The following KIAA1549L variants were observed in gnomAD, a reference collection of about 807,000 sequenced individuals.
The protein encoded by KIAA1549L is UPF0606 protein KIAA1549L.
KIAA1549L carries 88 observed loss-of-function variants against 160.7 expected under a neutral mutation model. The ratio of observed to expected loss-of-function variants is 0.55; its 90% CI spans 0.46 to 0.65. The LOEUF (loss-of-function observed/expected upper bound fraction) is 0.65, where lower values mean the gene tolerates loss of function less well. Among genes scored for constraint, KIAA1549L ranks in the 30% least tolerant of loss-of-function variants. The pLI, the probability that KIAA1549L is intolerant of heterozygous loss-of-function variation, is 0.00. For synonymous variants in KIAA1549L, 950 were observed against 976.7 expected (o/e 0.97, Z 0.51); for missense variants, 2,258 against 2,437.5 (o/e 0.93, Z 1.55).
In KIAA1549L at chr11:33,583,354, G is replaced by T. The variant is rs377062292; in HGVS notation, c.4419G>T (p.Pro1473=). 4.4e-6 allele frequency: 7 copies of T among 1,605,318 alleles called. No individual in the cohort carries two copies. The Admixed American group carries it at 8.5e-5, about 19-fold the overall frequency. The change falls in exon 11 of 21, where the codon CCG becomes CCT. Residue 1473 remains proline, a synonymous_variant. Coordinates refer to ENST00000658780, the MANE Select transcript of KIAA1549L (RefSeq NM_012194.3). ...LLQADPVVKN[P]PNNLWIIAAV... is the part of the protein sequence containing the mutation. ...TTCCCACAGCCGTGGTGAAGAACCCGCCCAATAACCTGTGGATCATCGCTG... is the reference window on the plus strand; with the variant it reads ...TTCCCACAGCCGTGGTGAAGAACCCTCCCAATAACCTGTGGATCATCGCTG...
At chr11:33,566,877 T>C (rs1195348393) in intron 8 of KIAA1549L, among the ~76,000 whole-genome samples, 2 of 152,236 alleles carry the variant, frequency 1.3e-5, no homozygotes, top group East Asian at 1.9e-4. Flanking sequence ...GAAAATCTTA[T>C]CTTCCCAGCC....
chr11:33,634,334 C>T (rs919698142), intron 16 of KIAA1549L, among the ~76,000 whole-genome samples: 22 of 152,182 alleles, frequency 1.4e-4, no homozygotes, highest in African/African-American at 4.1e-4. Flanking sequence ...TGAACCACCA[C>T]GCCCGGCCTG....
At position 33,544,839 on chromosome 11, in the gene KIAA1549L, C is replaced by T. The variant is rs367943497; in HGVS notation, c.2846C>T (p.Pro949Leu). The stretch of plus-strand genomic sequence containing the variant: ...ACATTGTTTCTGAGGAAATCAAGTC[C>T]ACCTGCACTGTCTGCAGCCCTGGTT... ...AVTLFLRKSS[P>L]PALSAALVAK... is the part of the protein sequence containing the mutation. The change falls in exon 3 of 21, where the codon CCA becomes CTA. Residue 949 changes from proline (P) to leucine (L), a missense_variant. Transcript: ENST00000658780. 10 of 1,613,416 alleles carry T rather than the reference C, an allele frequency of 6.2e-6. No homozygotes were observed. Among genetic ancestry groups the T allele is most frequent in the Non-Finnish European group, 8.5e-6 (10 of 1,179,634 alleles).
At chr11:33,619,415 AT>A (rs1396215501) in intron 16 of KIAA1549L, among the ~76,000 whole-genome samples, 1 of 152,130 alleles carries the variant, frequency 6.6e-6, no homozygotes, top group Non-Finnish European at 1.5e-5. Flanking sequence ...TACAAATAAA[AT>A]TTTTTCTTTA....
In KIAA1549L at chr11:33,479,107, C is replaced by A. The variant is rs72911172; in HGVS notation, c.239-62695C>A. Among the ~76,000 whole-genome samples, 1,214 of 152,100 alleles carry A rather than the reference C, an allele frequency of 8.0e-3. 6 individuals are homozygous for A. Among genetic ancestry groups the A allele is most frequent in the Non-Finnish European group, 0.014 (971 of 67,996 alleles). On this transcript the variant is annotated intron_variant, in intron 1 of 20. Coordinates refer to ENST00000658780, the MANE Select transcript of KIAA1549L (RefSeq NM_012194.3). ...CTTCAGATATTTTTTCACCAGTGCTCATTATGTTTTTATCCTCTTTGCCTT... is the reference window on the plus strand; with the variant it reads ...CTTCAGATATTTTTTCACCAGTGCTAATTATGTTTTTATCCTCTTTGCCTT...
At chr11:33,446,267 G>A (rs540769098) in intron 1 of KIAA1549L, among the ~76,000 whole-genome samples, 1 of 152,086 alleles carries the variant, frequency 6.6e-6, no homozygotes, top group East Asian at 1.9e-4. Flanking sequence ...GCTAATTTTT[G>A]TATTTTTAGT....
At chr11:33,465,705 C>G (rs10836065) in intron 1 of KIAA1549L, among the ~76,000 whole-genome samples, 1 of 152,088 alleles carries the variant, frequency 6.6e-6, no homozygotes, top group East Asian at 1.9e-4. Flanking sequence ...CTACAACCAT[C>G]GGATCTTCGA....
At chr11:33,550,159 A>C (rs576068662) in intron 4 of KIAA1549L, among the ~76,000 whole-genome samples, 1 of 152,180 alleles carries the variant, frequency 6.6e-6, no homozygotes, top group Non-Finnish European at 1.5e-5. Flanking sequence ...ATAGCACTGA[A>C]CAGCACACTA....
rs148717988 is a variant in KIAA1549L, at chr11:33,515,802, C to G, written c.239-26000C>G. Among the ~76,000 whole-genome samples, 397 of 152,228 alleles carry G rather than the reference C, an allele frequency of 2.6e-3. 2 individuals carry two copies. The Middle Eastern group carries it at 0.058, about 22-fold the overall frequency. On this transcript the variant is annotated intron_variant, in intron 1 of 20. Transcript: ENST00000658780. ...CCTCCTCTATCTCTGAGTCAGTGCT[C>G]CAGAAAAGTAACGTGATGCATCTGT...
intron 13 of KIAA1549L, among the ~76,000 whole-genome samples, chr11:33,601,537 T>C (rs1291837797): frequency 6.6e-6 from 1 of 152,220 alleles, no homozygotes; most frequent in Non-Finnish European, 1.5e-5. Context: ...TTTCATCACC[T>C]TGCCAGCTTG....
chr11:33,649,342 GGAAAAA>G (rs1015038310), intron 17 of KIAA1549L, among the ~76,000 whole-genome samples: 1 of 122,576 alleles, frequency 8.2e-6, no homozygotes, highest in African/African-American at 4.0e-5. Flanking sequence ...TCTCTACGGG[GGAAAAA>G]AAAAAAAAAA....
chr11:33,425,396 G>C (rs1851095929), intron 1 of KIAA1549L, among the ~76,000 whole-genome samples: 2 of 152,194 alleles, frequency 1.3e-5, no homozygotes, highest in African/African-American at 4.8e-5. Context: ...GTGTCACTGT[G>C]ATGTATCAAG....
intron 17 of KIAA1549L, among the ~76,000 whole-genome samples, chr11:33,652,900 C>T (rs531757039): frequency 8.3e-4 from 127 of 152,288 alleles, no homozygotes; most frequent in Non-Finnish European, 1.5e-3. Flanking sequence ...GCCCTGCTTT[C>T]GTCTGTCTAT....
At chr11:33,664,103 A>G (rs1259366281) in intron 20 of KIAA1549L, among the ~76,000 whole-genome samples, 2 of 152,192 alleles carry the variant, frequency 1.3e-5, no homozygotes, top group Non-Finnish European at 2.9e-5. Context: ...CAGTGCTTGT[A>G]TATAAAGACC....
intron 15 of KIAA1549L, among the ~76,000 whole-genome samples, chr11:33,610,703 C>T (rs982811125): frequency 1.3e-5 from 2 of 152,110 alleles, no homozygotes; most frequent in African/African-American, 4.8e-5. Context: ...GAGTCCTGTC[C>T]CAGCAAGGAA....
intron 1 of KIAA1549L, among the ~76,000 whole-genome samples, chr11:33,425,496 G>A (rs1285516197): frequency 2.0e-5 from 3 of 152,176 alleles, no homozygotes; most frequent in Non-Finnish European, 2.9e-5. Context: ...GCTCATAAGA[G>A]TGATTTGTTG....
At chr11:33,422,219 C>T (rs1851027488) in intron 1 of KIAA1549L, among the ~76,000 whole-genome samples, 1 of 152,082 alleles carries the variant, frequency 6.6e-6, no homozygotes, top group African/African-American at 2.4e-5. Flanking sequence ...AATTGGAATC[C>T]CTGGGAGTGG....
At position 33,658,651 on chromosome 11, in the gene KIAA1549L, C is replaced by T. The variant is rs965940491; in HGVS notation, c.5859-99C>T. The stretch of plus-strand genomic sequence containing the variant: ...CTGGGGACCTCATGAGGCTTGGAGG[C>T]AGCTGTCCATGCCCAAAGGTGACGG... On this transcript the variant is annotated intron_variant, in intron 18 of 20. Coordinates refer to ENST00000658780, the MANE Select transcript of KIAA1549L (RefSeq NM_012194.3). The T allele has an allele frequency of 4.7e-5, 57 of 1,223,200 alleles. No homozygotes were observed. In the Admixed American group the frequency reaches 5.9e-4, roughly 13 times the overall value. The allele number at this position is 1,223,200 out of a possible 1,614,324, so 75.8% of individuals were successfully genotyped here.
rs188735255 is a variant in KIAA1549L, at chr11:33,390,584, G to A, written c.238+13695G>A. Among the ~76,000 whole-genome samples, 288 of 152,342 alleles carry A rather than the reference G, an allele frequency of 1.9e-3. 1 individual carries two copies. Among genetic ancestry groups the A allele is most frequent in the Non-Finnish European group, 1.9e-3 (126 of 68,040 alleles). ...GAAACTACCTCTCATCCATTCAGCA[G>A]AGGCCAGAGGAGAAGGGGCACATGG... On this transcript the variant is annotated intron_variant, in intron 1 of 20. Coordinates refer to ENST00000658780, the MANE Select transcript of KIAA1549L (RefSeq NM_012194.3).
Sources: gnomAD v4.1 joint callset for allele counts (sites outside exome capture counted in the v4.1 genomes callset) on GRCh38, gnomAD v4.1.1 for gene constraint, MANE v1.5 for transcripts, NCBI Gene and HGNC (gene_info 2026-07-23, HGNC 2026-07-21) for gene names.